RASSF6: variants seen among roughly 807,000 people sequenced by gnomAD.
The protein encoded by RASSF6 is Ras association domain family member 6, also known as ras association domain-containing protein 6.
In RASSF6, 52 loss-of-function variants were observed where a neutral mutation model predicts 44.0. That is an observed-to-expected ratio of 1.18 (90% confidence interval 0.95 to 1.49). The LOEUF (loss-of-function observed/expected upper bound fraction) is 1.49, where lower values mean the gene tolerates loss of function less well. Among genes scored for constraint, RASSF6 ranks in the 40% most tolerant of loss-of-function variants. The pLI is 0.00. For missense variants in RASSF6, 464 were observed against 393.3 expected, an observed-to-expected ratio of 1.18 and a Z score of -1.52; for synonymous variants, 162 against 124.6, an observed-to-expected ratio of 1.30 and a Z score of -2.00.
rs548149994 is a variant in RASSF6 at position 73,573,724 on chromosome 4, G to GTATT, written c.*2507_*2510dup. On this transcript the variant is annotated 3_prime_UTR_variant, in exon 11 of 11. Coordinates refer to ENST00000307439, the MANE Select transcript of RASSF6 (RefSeq NM_177532.5). ...AATCTTTGCTAATAGGCCAAAATGT[G>GTATT]TATTTATTTATTTATTTTACTTTGT... 414 of 152,196 alleles carry GTATT rather than the reference G, an allele frequency of 2.7e-3. 2 individuals carry two copies. Among genetic ancestry groups the GTATT allele is most frequent in the African/African-American group, 9.7e-3 (403 of 41,512 alleles). The allele number at this position is 152,196 out of a possible 1,614,324, so 9.4% of individuals were successfully genotyped here. A position where few individuals can be genotyped will look rare whatever the true frequency, so the allele number is the denominator to read the frequency against.
rs369291601 is a variant in RASSF6 at position 73,591,880 on chromosome 4, A to G, written c.287+1571T>C. Reference sequence around the variant, plus strand: ...GATGAATAAAGCAAATAAAACAAAGATGAATAAAGCACATTCCCTACCACC... The same window carrying G: ...GATGAATAAAGCAAATAAAACAAAGGTGAATAAAGCACATTCCCTACCACC... On this transcript the variant is annotated intron_variant, in intron 4 of 10. Coordinates refer to ENST00000307439, the MANE Select transcript of RASSF6 (RefSeq NM_177532.5). Among the ~76,000 whole-genome samples, 22 of 152,216 alleles carry G rather than the reference A, an allele frequency of 1.4e-4. No homozygotes were observed. The South Asian group carries it at 3.9e-3, about 27-fold the overall frequency.
At position 73,573,327 on chromosome 4, in the gene RASSF6, C is replaced by A. The variant is rs767049970; in HGVS notation, c.*2908G>T. The A allele has an allele frequency of 2.6e-5, 4 of 152,102 alleles. No individual in the cohort carries two copies. Among genetic ancestry groups the A allele is most frequent in the Non-Finnish European group, 2.9e-5 (2 of 68,042 alleles). 9.4% of individuals were successfully genotyped at this position (152,102 alleles called of 1,614,324 possible). A position where few individuals can be genotyped will look rare whatever the true frequency, so the allele number is the denominator to read the frequency against. On this transcript the variant is annotated 3_prime_UTR_variant, in exon 11 of 11. Transcript: ENST00000307439. ...ATTTTTAGTAGAGGCAGGGTTTCAC[C>A]ATGTTGGCCAGGCTGGTCTCGAAAT... is the stretch of plus-strand genomic sequence containing the variant.
At position 73,578,835 on chromosome 4, in the gene RASSF6, C is replaced by T. The variant is rs532229619; in HGVS notation, c.722-2104G>A. The stretch of plus-strand genomic sequence containing the variant: ...CCATAGTGGTCAGGCTGGTCTCAAA[C>T]TCATGACCTCAAATGATCCGCCCAC... On this transcript the variant is annotated intron_variant, in intron 8 of 10. Coordinates refer to ENST00000307439, the MANE Select transcript of RASSF6 (RefSeq NM_177532.5). 1.8e-3 allele frequency among the ~76,000 whole-genome samples: 274 copies of T among 152,090 alleles called. 2 individuals carry two copies. Among genetic ancestry groups the T allele is most frequent in the African/African-American group, 6.0e-3 (251 of 41,498 alleles).
chr4:73,612,463 G>A (rs1355316267), intron 1 of RASSF6, among the ~76,000 whole-genome samples: 2 of 145,380 alleles, frequency 1.4e-5, no homozygotes, highest in Admixed American at 1.4e-4. Context: ...AAAGATGGAT[G>A]AGAGAGTTCA....
chr4:73,606,989 T>C (rs552308008), intron 2 of RASSF6, among the ~76,000 whole-genome samples: 1 of 152,280 alleles, frequency 6.6e-6, no homozygotes, highest in Non-Finnish European at 1.5e-5. Flanking sequence ...ACGGGAGACT[T>C]CCTGACACAC....
At chr4:73,598,220 G>A (rs1725062964) in intron 3 of RASSF6, among the ~76,000 whole-genome samples, 1 of 152,056 alleles carries the variant, frequency 6.6e-6, no homozygotes, top group Non-Finnish European at 1.5e-5. Context: ...GGAATCTAAT[G>A]CATTCATTTT....
At chr4:73,590,219 C>A (rs1351743614) in intron 4 of RASSF6, among the ~76,000 whole-genome samples, 1 of 152,184 alleles carries the variant, frequency 6.6e-6, no homozygotes, top group East Asian at 1.9e-4. Context: ...CTTCTTCACT[C>A]CAATTAAGCT....
At chr4:73,605,628 G>A (rs2149391542) in intron 2 of RASSF6, among the ~76,000 whole-genome samples, 1 of 152,296 alleles carries the variant, frequency 6.6e-6, no homozygotes, top group East Asian at 1.9e-4. Context: ...GAGTTCCAAA[G>A]TCTGGAAACT....
At chr4:73,584,054 G>T (rs1183667233) in intron 6 of RASSF6, among the ~76,000 whole-genome samples, 1 of 152,022 alleles carries the variant, frequency 6.6e-6, no homozygotes, top group African/African-American at 2.4e-5. Flanking sequence ...TCTGTGAAGA[G>T]GGAAACAGGA....
chr4:73,582,844 GCA>G (rs375999816), intron 6 of RASSF6, among the ~76,000 whole-genome samples: 1 of 150,744 alleles, frequency 6.6e-6, no homozygotes, highest in African/African-American at 2.4e-5. Flanking sequence ...CATGTAACAC[GCA>G]CACACACACA....
intron 5 of RASSF6, among the ~76,000 whole-genome samples, chr4:73,586,713 ATG>A (rs1456419427): frequency 6.6e-6 from 1 of 151,976 alleles, no homozygotes; most frequent in Non-Finnish European, 1.5e-5. Context: ...TATTTTTATG[ATG>A]TCTTTGATGC....
At chr4:73,581,731 G>T in intron 8 of RASSF6, 86 bp downstream of exon 8, 1 of 830,952 alleles carries the variant, frequency 1.2e-6, no homozygotes, top group Admixed American at 2.0e-5. Context: ...TCCACAGAAT[G>T]AGGCAAACTG....
At chr4:73,586,888 C>T (rs763671824) in intron 5 of RASSF6, among the ~76,000 whole-genome samples, 14 of 145,170 alleles carry the variant, frequency 9.6e-5, no homozygotes, top group Admixed American at 4.3e-4. Flanking sequence ...GAATAGCAGA[C>T]GAGGCAGAAT....
intron 8 of RASSF6, among the ~76,000 whole-genome samples, chr4:73,580,195 C>T (rs1342177823): frequency 4.0e-5 from 6 of 151,890 alleles, no homozygotes; most frequent in Non-Finnish European, 7.4e-5. Flanking sequence ...CTACAAAGGA[C>T]ATGAACTCAT....
At chr4:73,614,580 T>C (rs1039163385) in intron 1 of RASSF6, among the ~76,000 whole-genome samples, 15 of 152,204 alleles carry the variant, frequency 9.9e-5, no homozygotes, top group African/African-American at 3.6e-4. Context: ...AAGTGAAAAT[T>C]GGCAGTGATG....
At chr4:73,616,392 A>T (rs982353746) in intron 1 of RASSF6, among the ~76,000 whole-genome samples, 2 of 152,076 alleles carry the variant, frequency 1.3e-5, no homozygotes, top group African/African-American at 2.4e-5. Flanking sequence ...CTCTCTAACC[A>T]TATTTTATTT....
At chr4:73,590,168 T>A (rs1440742759) in intron 4 of RASSF6, among the ~76,000 whole-genome samples, 2 of 152,200 alleles carry the variant, frequency 1.3e-5, no homozygotes, top group Non-Finnish European at 2.9e-5. Context: ...CCATAAAGAA[T>A]AACAAGTGGT....
At position 73,609,828 on chromosome 4, in the gene RASSF6, T is replaced by C. The variant is rs372575508; in HGVS notation, c.65+1903A>G. Among the ~76,000 whole-genome samples, 14 of 152,260 alleles carry C rather than the reference T, an allele frequency of 9.2e-5. No homozygotes were observed. In the South Asian group the frequency reaches 2.9e-3, roughly 32 times the overall value. ...TTTCTGGTGACAGCCTGGCAGAGAT[T>C]TCCCCTAGCTCCAGGAATTTTGTTT... On this transcript the variant is annotated intron_variant, in intron 2 of 10. Coordinates refer to ENST00000307439, the MANE Select transcript of RASSF6 (RefSeq NM_177532.5).
Position 73,572,134 on chromosome 4 carries a change from T to G in RASSF6, c.*4101A>C, listed in dbSNP as rs536298843. ...GGCTGCAGTCATCTGAAGGCTTGAC[T>G]GAGGCTGGAAGATCTACTTCTAAAA... On this transcript the variant is annotated 3_prime_UTR_variant, in exon 11 of 11. Transcript: ENST00000307439. 1 of 152,180 alleles carries G rather than the reference T, an allele frequency of 6.6e-6. No homozygotes were observed. The highest frequency in any genetic ancestry group is 1.5e-5 in the Non-Finnish European group (1 of 68,040). 9.4% of individuals were successfully genotyped at this position (152,180 alleles called of 1,614,324 possible).
Sources: allele counts gnomAD v4.1 joint callset (sites outside exome capture counted in the v4.1 genomes callset), GRCh38; gene constraint gnomAD v4.1.1; transcripts MANE v1.5; gene names NCBI Gene and HGNC (gene_info 2026-07-23, HGNC 2026-07-21).